LRRC4C: variants seen among roughly 807,000 people sequenced by gnomAD.
LRRC4C encodes the protein leucine rich repeat containing 4C.
Under a neutral mutation model 33.6 loss-of-function variants are expected in LRRC4C, and 5 were observed. That is an observed-to-expected ratio of 0.15 (90% confidence interval 0.08 to 0.31). LRRC4C has a LOEUF of 0.31. LRRC4C is among the 10% of genes least tolerant of loss of function. The pLI is 1.00. For missense variants in LRRC4C, 560 were observed against 796.7 expected (o/e 0.70, Z 3.58); for synonymous variants, 329 against 302.0 (o/e 1.09, Z -0.93).
At chr11:40,646,743 A>T (rs1245387793) in intron 3 of LRRC4C, among the ~76,000 whole-genome samples, 1 of 151,926 alleles carries the variant, frequency 6.6e-6, no homozygotes, top group African/African-American at 2.4e-5. Context: ...AGTAGCTGGG[A>T]CTACAGGCGC....
At chr11:40,884,540 A>T (rs2136051231) in intron 2 of LRRC4C, among the ~76,000 whole-genome samples, 1 of 152,242 alleles carries the variant, frequency 6.6e-6, no homozygotes, top group East Asian at 1.9e-4. Flanking sequence ...ACAGTGTAAA[A>T]GCATTGATGC....
chr11:40,879,428 A>G (rs556309518), intron 2 of LRRC4C, among the ~76,000 whole-genome samples: 86 of 152,322 alleles, frequency 5.6e-4, no homozygotes, highest in Non-Finnish European at 1.1e-3. Flanking sequence ...AACAGGCGAC[A>G]GCAGAAGGAA....
intron 3 of LRRC4C, among the ~76,000 whole-genome samples, chr11:40,547,903 G>T (rs144593137): frequency 6.6e-6 from 1 of 152,048 alleles, no homozygotes; most frequent in Non-Finnish European, 1.5e-5. Flanking sequence ...CATCTACTAC[G>T]TGCCAGACAC....
rs75505793 is a variant in LRRC4C at position 40,303,043 on chromosome 11, T to G, written c.-176+16585A>C. Among the ~76,000 whole-genome samples, 848 of 150,938 alleles carry G rather than the reference T, an allele frequency of 5.6e-3. 12 individuals are homozygous for G. Among genetic ancestry groups the G allele is most frequent in the East Asian group, 0.029 (150 of 5,118 alleles). On this transcript the variant is annotated intron_variant, in intron 4 of 6. Coordinates refer to ENST00000528697, the MANE Select transcript of LRRC4C (RefSeq NM_001258419.2). ...TTATTATTTTTTTCTTTTTGGGGAG[T>G]TTTTTCGAACGGTAAAGGAACATCA...
chr11:40,947,585 T>A (rs561979295), intron 1 of LRRC4C, among the ~76,000 whole-genome samples: 2 of 151,988 alleles, frequency 1.3e-5, no homozygotes, highest in East Asian at 3.9e-4. Flanking sequence ...CTTCTTATGG[T>A]GTTTTTCTCC....
At chr11:41,020,678 C>T (rs1855897251) in intron 1 of LRRC4C, among the ~76,000 whole-genome samples, 2 of 152,118 alleles carry the variant, frequency 1.3e-5, no homozygotes, top group African/African-American at 2.4e-5. Context: ...TGTGAGAGAA[C>T]AAATTTCTGT....
rs1330373820 is a variant in LRRC4C at position 40,749,097 on chromosome 11, T to A, written c.-406-100819A>T. 2.0e-5 allele frequency among the ~76,000 whole-genome samples: 3 copies of A among 152,244 alleles called. No homozygotes were observed. The East Asian group carries it at 5.8e-4, about 29-fold the overall frequency. On this transcript the variant is annotated intron_variant, in intron 2 of 6. Transcript: ENST00000528697. The stretch of plus-strand genomic sequence containing the variant: ...GAAAATCAACAAAGAAAAGCAAGAT[T>A]TAAATTGGAATTTAGACCAAGTGAA...
intron 3 of LRRC4C, among the ~76,000 whole-genome samples, chr11:40,578,796 C>T (rs1487825094): frequency 1.3e-5 from 2 of 152,180 alleles, no homozygotes; most frequent in African/African-American, 2.4e-5. Context: ...CTAACAAATA[C>T]ATTGTGTAAG....
At chr11:40,866,775 G>T (rs1406122665) in intron 2 of LRRC4C, among the ~76,000 whole-genome samples, 2 of 152,108 alleles carry the variant, frequency 1.3e-5, no homozygotes, top group Non-Finnish European at 2.9e-5. Flanking sequence ...GTAGCACAAT[G>T]ACAACATTAT....
intron 3 of LRRC4C, among the ~76,000 whole-genome samples, chr11:40,459,377 G>GC (rs1164216504): frequency 5.9e-5 from 9 of 152,110 alleles, no homozygotes; most frequent in Non-Finnish European, 1.2e-4. Flanking sequence ...GTGATCGTCA[G>GC]CACTCAGGAA....
intron 1 of LRRC4C, among the ~76,000 whole-genome samples, chr11:41,237,385 G>A (rs1948069006): frequency 6.6e-6 from 1 of 152,136 alleles, no homozygotes; most frequent in South Asian, 2.1e-4. Context: ...TAACTGTGAA[G>A]CCAAATGATA....
intron 3 of LRRC4C, among the ~76,000 whole-genome samples, chr11:40,577,039 A>G (rs185756534): frequency 1.1e-3 from 162 of 152,308 alleles, no homozygotes; most frequent in Middle Eastern, 3.4e-3. Flanking sequence ...TCTGTAATGT[A>G]AACCTGTGTG....
rs145768602 is a variant in LRRC4C at position 41,451,609 on chromosome 11, A to G, written c.-496+7822T>C. Among the ~76,000 whole-genome samples, 36 of 152,276 alleles carry G rather than the reference A, an allele frequency of 2.4e-4. No homozygotes were observed. The East Asian group carries it at 6.4e-3, about 27-fold the overall frequency. ...GGTCAAGGATAAAGAAAGGGAAAAC[A>G]GGAAATAGCATCAACCAGATGAACA... On this transcript the variant is annotated intron_variant, in intron 1 of 6. Transcript: ENST00000528697.
intron 2 of LRRC4C, among the ~76,000 whole-genome samples, chr11:40,827,492 A>G (rs917332095): frequency 1.2e-4 from 18 of 151,926 alleles, no homozygotes; most frequent in Admixed American, 5.3e-4. Context: ...AATCTTTGCT[A>G]TCTTCTTTCT....
intron 4 of LRRC4C, among the ~76,000 whole-genome samples, chr11:40,253,299 C>T (rs982373829): frequency 6.6e-6 from 1 of 152,188 alleles, no homozygotes; most frequent in Non-Finnish European, 1.5e-5. Context: ...GTAGCACATG[C>T]TAAGACTATA....
At chr11:40,189,906 C>T (rs1388792966) in intron 5 of LRRC4C, among the ~76,000 whole-genome samples, 1 of 152,176 alleles carries the variant, frequency 6.6e-6, no homozygotes, top group Non-Finnish European at 1.5e-5. Flanking sequence ...TTATTTATAA[C>T]AACTAGCCTT....
At chr11:41,329,586 T>G (rs1385614842) in intron 1 of LRRC4C, among the ~76,000 whole-genome samples, 1 of 152,230 alleles carries the variant, frequency 6.6e-6, no homozygotes, top group Non-Finnish European at 1.5e-5. Context: ...TTTCTTTATA[T>G]TCATGATTAC....
intron 1 of LRRC4C, among the ~76,000 whole-genome samples, chr11:41,355,084 T>A (rs2939760): frequency 0.99 from 150,167 of 152,224 alleles, 74,106 homozygotes; most frequent in Middle Eastern, 1. Flanking sequence ...AAATATGTGC[T>A]AACTCTGCAT....
intron 3 of LRRC4C, among the ~76,000 whole-genome samples, chr11:40,521,111 A>G (rs1955793196): frequency 6.6e-6 from 1 of 152,194 alleles, no homozygotes; most frequent in African/African-American, 2.4e-5. Context: ...TTTTTACCCC[A>G]TTTGGAGTAT....
Sources: allele counts gnomAD v4.1 joint callset (sites outside exome capture counted in the v4.1 genomes callset), GRCh38; gene constraint gnomAD v4.1.1; transcripts MANE v1.5; gene names NCBI Gene and HGNC (gene_info 2026-07-23, HGNC 2026-07-21).